Variants in NCS1 observed in about 807,000 individuals in gnomAD.
The protein encoded by NCS1 is frequenin homolog.
Under a neutral mutation model 28.4 loss-of-function variants are expected in NCS1, and 6 were observed. The ratio of observed to expected loss-of-function variants is 0.21; its 90% CI spans 0.12 to 0.42. The LOEUF is 0.42. NCS1 is among the 10% of genes least tolerant of loss of function. NCS1 has a pLI of 1.00. For synonymous variants in NCS1, 86 were observed against 99.3 expected, an observed-to-expected ratio of 0.87 and a Z score of 0.79; for missense variants, 131 against 241.4, an observed-to-expected ratio of 0.54 and a Z score of 3.03.
In NCS1 at chr9:130,180,046, TC is replaced by T; in HGVS notation, c.64+7320del. Among the ~76,000 whole-genome samples the T allele has an allele frequency of 8.5e-6, 1 of 117,048 alleles. No homozygotes were observed. Among genetic ancestry groups the T allele is most frequent in the Non-Finnish European group, 1.8e-5 (1 of 55,262 alleles). The allele number at this position is 117,048 out of a possible 152,430, so 76.8% of individuals were successfully genotyped here. A position where few individuals can be genotyped will look rare whatever the true frequency, so the allele number is the denominator to read the frequency against. On this transcript the variant is annotated intron_variant, in intron 1 of 7. Transcript: ENST00000372398. This position sits in a 1 kb window ranked among gnomAD's most constrained non-coding sequence, Gnocchi z 4.5. ...ATCTATCTATCTATCTATCTATCTATCTATCGAGATGGAATCTCACTTCCGT... is the reference window on the plus strand; with the variant it reads ...ATCTATCTATCTATCTATCTATCTATTATCGAGATGGAATCTCACTTCCGT...
intron 2 of NCS1, among the ~76,000 whole-genome samples, chr9:130,210,663 G>A (rs1221290059): frequency 6.6e-6 from 1 of 152,026 alleles, no homozygotes; most frequent in Admixed American, 6.6e-5. Flanking sequence ...GAGGGTGTAA[G>A]GTTGGCTCTC....
chr9:130,183,959 G>A (rs868955188), intron 1 of NCS1, among the ~76,000 whole-genome samples: 2 of 151,698 alleles, frequency 1.3e-5, no homozygotes, highest in South Asian at 2.1e-4. Flanking sequence ...ACAGGCGCCC[G>A]CCACCATACC....
chr9:130,202,585 T>G (rs1345758983), intron 2 of NCS1, among the ~76,000 whole-genome samples: 317 of 151,174 alleles, frequency 2.1e-3, no homozygotes, highest in African/African-American at 6.9e-3. Flanking sequence ...CCATGTTTTT[T>G]TTTTTTTTTT....
intron 1 of NCS1, among the ~76,000 whole-genome samples, chr9:130,176,138 T>TTTTCTTTC (rs71387327): frequency 0.066 from 6,711 of 101,990 alleles, 471 homozygotes; most frequent in South Asian, 0.095. Context: ...TATTTGTTCA[T>TTTTCTTTC]TTTCTTTCTT....
Position 130,209,864 on chromosome 9 carries a change from C to T in NCS1, c.90-7968C>T, listed in dbSNP as rs572725999. Among the ~76,000 whole-genome samples the T allele has an allele frequency of 5.9e-5, 9 of 152,242 alleles. No homozygotes were observed. Among genetic ancestry groups the T allele is most frequent in the South Asian group, 4.2e-4 (2 of 4,808 alleles). ...AACCATATCAGAAACCTCGGCTTCC[C>T]GTGGCTGGGGATCGCAGGCCCCGTT... On this transcript the variant is annotated intron_variant, in intron 2 of 7. Coordinates refer to ENST00000372398, the MANE Select transcript of NCS1 (RefSeq NM_014286.4). The surrounding 1 kb of genome is among the most constrained non-coding windows in gnomAD (Gnocchi z 4.4).
intron 6 of NCS1, among the ~76,000 whole-genome samples, chr9:130,223,894 G>C (rs1833373569): frequency 6.6e-6 from 1 of 152,012 alleles, no homozygotes; most frequent in Non-Finnish European, 1.5e-5. Flanking sequence ...CCAGGCTGGA[G>C]TGCAGTGGCG....
rs1433602477 is a variant in NCS1, at chr9:130,226,971, C to G, written c.*17+467C>G. Among the ~76,000 whole-genome samples the G allele has an allele frequency of 7.0e-6, 1 of 143,066 alleles. No homozygotes were observed. The highest frequency in any genetic ancestry group is 2.6e-5 in the African/African-American group (1 of 37,898). 93.9% of individuals were successfully genotyped at this position (143,066 alleles called of 152,430 possible). A position where few individuals can be genotyped will look rare whatever the true frequency, so the allele number is the denominator to read the frequency against. Reference sequence around the variant, plus strand: ...CCAGGAGGTGGAGATTGCAGTGAGCCGAGATCGTGCCACTGCACTCCAGCC... The same window carrying G: ...CCAGGAGGTGGAGATTGCAGTGAGCGGAGATCGTGCCACTGCACTCCAGCC... On this transcript the variant is annotated intron_variant, in intron 7 of 7. Transcript: ENST00000372398. This position sits in a 1 kb window ranked among gnomAD's most constrained non-coding sequence, Gnocchi z 4.8.
chr9:130,216,148 T>C (rs1028579488), intron 2 of NCS1, among the ~76,000 whole-genome samples: 22 of 152,192 alleles, frequency 1.4e-4, no homozygotes, highest in African/African-American at 4.8e-4. Context: ...GGCTTTTCCA[T>C]GTGCGTCCTC....
Position 130,191,162 on chromosome 9 carries a change from C to T in NCS1, c.65-9796C>T, listed in dbSNP as rs12236678. Among the ~76,000 whole-genome samples, 235 of 152,324 alleles carry T rather than the reference C, an allele frequency of 1.5e-3. 5 individuals carry two copies. The East Asian group carries it at 0.037, about 24-fold the overall frequency. ...GCAGGGAGCACGCTGACCCAGGCCA[C>T]GTGGCGACTGGATAGTTGGTAGACC... On this transcript the variant is annotated intron_variant, in intron 1 of 7. Transcript: ENST00000372398. The surrounding 1 kb of genome is among the most constrained non-coding windows in gnomAD (Gnocchi z 6.4).
intron 2 of NCS1, among the ~76,000 whole-genome samples, chr9:130,211,065 G>A (rs1227542864): frequency 1.4e-5 from 2 of 147,332 alleles, no homozygotes; most frequent in Non-Finnish European, 3.0e-5. Context: ...GTTGCCCGGG[G>A]TGGTCTCAAA....
rs11432743 is a variant in NCS1, at chr9:130,236,548, CTTT to C, written c.*3590_*3592del. 3 of 141,824 alleles carry C rather than the reference CTTT, an allele frequency of 2.1e-5. No individual in the cohort carries two copies. Among genetic ancestry groups the C allele is most frequent in the Non-Finnish European group, 3.1e-5 (2 of 65,502 alleles). The allele number at this position is 141,824 out of a possible 1,614,324, so 8.8% of individuals were successfully genotyped here. ...CTGTGATGGGAAGCCTTGCCCCCCT[CTTT>C]TTTTTTTTTTTTTAATATCTGCGGA... On this transcript the variant is annotated 3_prime_UTR_variant, in exon 8 of 8. Transcript: ENST00000372398.
chr9:130,174,953 T>G (rs1355575987), intron 1 of NCS1, among the ~76,000 whole-genome samples: 2 of 152,140 alleles, frequency 1.3e-5, no homozygotes, highest in Non-Finnish European at 2.9e-5. Flanking sequence ...AACAAAGCTT[T>G]GTTAGGAACT....
At position 130,191,301 on chromosome 9, in the gene NCS1, G is replaced by A. The variant is rs1252519880; in HGVS notation, c.65-9657G>A. 1.3e-5 allele frequency among the ~76,000 whole-genome samples: 2 copies of A among 152,144 alleles called. No homozygotes were observed. Among genetic ancestry groups the A allele is most frequent in the Non-Finnish European group, 1.5e-5 (1 of 68,002 alleles). On this transcript the variant is annotated intron_variant, in intron 1 of 7. Coordinates refer to ENST00000372398, the MANE Select transcript of NCS1 (RefSeq NM_014286.4). The surrounding 1 kb of genome is among the most constrained non-coding windows in gnomAD (Gnocchi z 6.4). ...AGGCCTGGGTGCAGAGCGGTGAAGA[G>A]CAGCTCCCGGGAGCTGGGGCTGAAG...
In NCS1 at chr9:130,180,507, C is replaced by T. The variant is rs562897113; in HGVS notation, c.64+7780C>T. Among the ~76,000 whole-genome samples the T allele has an allele frequency of 5.9e-5, 9 of 152,278 alleles. No homozygotes were observed. Among genetic ancestry groups the T allele is most frequent in the Non-Finnish European group, 1.3e-4 (9 of 68,036 alleles). ...TCTGTGTGTGATCTATTTTGCAGGGCAGAGAGTGTCAGAGATTACGTTGCG... is the reference window on the plus strand; with the variant it reads ...TCTGTGTGTGATCTATTTTGCAGGGTAGAGAGTGTCAGAGATTACGTTGCG... On this transcript the variant is annotated intron_variant, in intron 1 of 7. Coordinates refer to ENST00000372398, the MANE Select transcript of NCS1 (RefSeq NM_014286.4). This position sits in a 1 kb window ranked among gnomAD's most constrained non-coding sequence, Gnocchi z 4.5.
At position 130,192,266 on chromosome 9, in the gene NCS1, TTAC is replaced by T. The variant is rs1832825580; in HGVS notation, c.65-8690_65-8688del. On this transcript the variant is annotated intron_variant, in intron 1 of 7. Transcript: ENST00000372398. This position sits in a 1 kb window ranked among gnomAD's most constrained non-coding sequence, Gnocchi z 4.8. ...GGCAGCTCCTGCGTCTGCTGTCACG[TTAC>T]TCTGAGCTTGGAGGCAGTGCCGCCG... Among the ~76,000 whole-genome samples the T allele has an allele frequency of 6.6e-6, 1 of 152,122 alleles. No individual in the cohort carries two copies. Among genetic ancestry groups the T allele is most frequent in the African/African-American group, 2.4e-5 (1 of 41,424 alleles).
intron 2 of NCS1, among the ~76,000 whole-genome samples, chr9:130,212,450 C>T (rs879947935): frequency 5.3e-5 from 8 of 150,204 alleles, no homozygotes; most frequent in Non-Finnish European, 8.9e-5. Context: ...TGCACGACAG[C>T]GACCTGGCCC....
At chr9:130,222,093 T>C (rs1446539862) in intron 4 of NCS1, among the ~76,000 whole-genome samples, 4 of 67,814 alleles carry the variant, frequency 5.9e-5, no homozygotes, top group African/African-American at 1.4e-4. Context: ...TATATATATG[T>C]GTGTGTGTAT....
chr9:130,226,623 C>G lies in NCS1; in HGVS notation c.*17+119C>G. On this transcript the variant is annotated intron_variant, in intron 7 of 7. Coordinates refer to ENST00000372398, the MANE Select transcript of NCS1 (RefSeq NM_014286.4). This position sits in a 1 kb window ranked among gnomAD's most constrained non-coding sequence, Gnocchi z 4.8. ...GGTCTCTGGGGGTGTTGTGGTCAGC[C>G]TAGCAGGGACATAGCTGGGAGGAGG... 1 of 733,772 alleles carries G rather than the reference C, an allele frequency of 1.4e-6. No individual in the cohort carries two copies. The highest frequency in any genetic ancestry group is 2.7e-5 in the East Asian group (1 of 36,406). The allele number at this position is 733,772 out of a possible 1,614,324, so 45.5% of individuals were successfully genotyped here.
intron 5 of NCS1, 73 bp from the exon 6 acceptor site, chr9:130,223,009 G>A (rs1185899651): frequency 3.0e-6 from 4 of 1,326,008 alleles, no homozygotes; most frequent in Admixed American, 1.7e-5. Flanking sequence ...GCCAGGTCTG[G>A]GGGGCAAATG....
Sources: gnomAD v4.1 joint callset for allele counts (sites outside exome capture counted in the v4.1 genomes callset) on GRCh38, gnomAD v4.1.1 for gene constraint, Gnocchi (gnomAD v3.1) non-coding constraint, MANE v1.5 for transcripts, NCBI Gene and HGNC (gene_info 2026-07-23, HGNC 2026-07-21) for gene names.